NUBPL: variants seen among roughly 807,000 people sequenced by gnomAD.
The protein encoded by NUBPL is iron-sulfur cluster transfer protein NUBPL.
A neutral mutation model predicts 45.7 loss-of-function variants in NUBPL; 31 were observed. That is an observed-to-expected ratio of 0.68 (90% confidence interval 0.51 to 0.92). The LOEUF (loss-of-function observed/expected upper bound fraction) is 0.92. Ranked by LOEUF, NUBPL falls within the 40% of genes least tolerant of loss-of-function variation. The probability of loss-of-function intolerance (pLI) is 0.00; values close to 1 mark genes in which losing one functional copy is unlikely to be tolerated. For missense variants in NUBPL, 401 were observed against 398.7 expected (o/e 1.01, Z -0.05); for synonymous variants, 144 against 140.9 (o/e 1.02, Z -0.15).
chr14:31,758,215 A>T (rs897752310), intron 6 of NUBPL, among the ~76,000 whole-genome samples: 15 of 152,282 alleles, frequency 9.9e-5, no homozygotes, highest in African/African-American at 3.4e-4. Flanking sequence ...AGTACTTCAA[A>T]CAAGTACTTG....
At chr14:31,590,703 C>T (rs1445542551) in intron 3 of NUBPL, among the ~76,000 whole-genome samples, 1 of 152,168 alleles carries the variant, frequency 6.6e-6, no homozygotes, top group African/African-American at 2.4e-5. Context: ...GGTCCCCAGG[C>T]TTTGATTCTG....
At chr14:31,745,702 C>T (rs1009305164) in intron 6 of NUBPL, among the ~76,000 whole-genome samples, 10 of 151,776 alleles carry the variant, frequency 6.6e-5, no homozygotes, top group Admixed American at 4.6e-4. Flanking sequence ...GTGGGGTGCA[C>T]GGTAACATAT....
At chr14:31,575,328 A>G (rs2033690841) in intron 3 of NUBPL, among the ~76,000 whole-genome samples, 1 of 152,242 alleles carries the variant, frequency 6.6e-6, no homozygotes. Flanking sequence ...ATAAATATGT[A>G]TATAGTATCT....
chr14:31,786,741 G>A (rs1203250783), intron 6 of NUBPL, among the ~76,000 whole-genome samples: 4 of 152,300 alleles, frequency 2.6e-5, no homozygotes, highest in South Asian at 2.1e-4. Flanking sequence ...TTTCCCCAAA[G>A]AAATGAATTT....
At chr14:31,728,272 G>A (rs1226821287) in intron 6 of NUBPL, among the ~76,000 whole-genome samples, 5 of 151,724 alleles carry the variant, frequency 3.3e-5, no homozygotes, top group African/African-American at 1.2e-4. Context: ...CCACTCAAAT[G>A]TACTTATTTA....
At chr14:31,585,222 C>T (rs1425188770) in intron 3 of NUBPL, among the ~76,000 whole-genome samples, 1 of 151,740 alleles carries the variant, frequency 6.6e-6, no homozygotes, top group Non-Finnish European at 1.5e-5. Flanking sequence ...CTAACACTAG[C>T]GATAGTTGAT....
chr14:31,669,380 G>C (rs143802226), intron 4 of NUBPL, among the ~76,000 whole-genome samples: 2 of 151,534 alleles, frequency 1.3e-5, no homozygotes, highest in East Asian at 1.9e-4. Context: ...TTGAATTTCT[G>C]TGTCTGGTTT....
intron 7 of NUBPL, among the ~76,000 whole-genome samples, chr14:31,822,950 A>G (rs148087299): frequency 8.6e-4 from 131 of 152,242 alleles, no homozygotes; most frequent in African/African-American, 3.0e-3. Context: ...ATCCCTCTCT[A>G]GTATCTTATA....
At chr14:31,689,163 T>G (rs1261843658) in intron 6 of NUBPL, among the ~76,000 whole-genome samples, 2 of 152,238 alleles carry the variant, frequency 1.3e-5, no homozygotes, top group Admixed American at 1.3e-4. Flanking sequence ...GAATGATTTA[T>G]ATTCTTTAGG....
chr14:31,644,823 G>T (rs756040617), intron 4 of NUBPL, among the ~76,000 whole-genome samples: 2 of 151,938 alleles, frequency 1.3e-5, no homozygotes, highest in Admixed American at 6.6e-5. Flanking sequence ...ATATGCTTGG[G>T]TACTGGGTAT....
intron 1 of NUBPL, 78 bp from the exon 2 acceptor site, chr14:31,561,990 A>G (rs1162410621): frequency 2.1e-6 from 3 of 1,440,840 alleles, no homozygotes; most frequent in East Asian, 2.5e-5. Flanking sequence ...TGCAAACCCC[A>G]GATTGTTTTT....
chr14:31,847,759 A>C (rs1247869296), intron 9 of NUBPL, among the ~76,000 whole-genome samples: 1 of 152,208 alleles, frequency 6.6e-6, no homozygotes, highest in African/African-American at 2.4e-5. Flanking sequence ...GTTGATGTTA[A>C]ATATATTATT....
At chr14:31,718,340 GAT>G (rs1263191003) in intron 6 of NUBPL, among the ~76,000 whole-genome samples, 24 of 152,110 alleles carry the variant, frequency 1.6e-4, no homozygotes, top group Admixed American at 1.6e-3. Flanking sequence ...TAATAGCAAA[GAT>G]AGAAATAAAA....
chr14:31,708,992 C>T (rs530275463), intron 6 of NUBPL, among the ~76,000 whole-genome samples: 1 of 152,316 alleles, frequency 6.6e-6, no homozygotes, highest in East Asian at 1.9e-4. Context: ...CCTCTCTGAA[C>T]CACCAAGGTT....
intron 4 of NUBPL, among the ~76,000 whole-genome samples, chr14:31,660,056 T>G (rs987646530): frequency 1.3e-5 from 2 of 152,154 alleles, no homozygotes; most frequent in African/African-American, 4.8e-5. Context: ...AGCCATAACA[T>G]TACAAAAACA....
chr14:31,706,011 T>C (rs2037442464), intron 6 of NUBPL, among the ~76,000 whole-genome samples: 1 of 152,118 alleles, frequency 6.6e-6, no homozygotes, highest in South Asian at 2.1e-4. Context: ...GGGAGTCAGC[T>C]CTGGTCTTGG....
intron 6 of NUBPL, among the ~76,000 whole-genome samples, chr14:31,734,627 A>G (rs1468392843): frequency 1.3e-5 from 2 of 152,138 alleles, no homozygotes; most frequent in African/African-American, 4.8e-5. Flanking sequence ...TACTTTCTCA[A>G]GGTTTATTAT....
intron 3 of NUBPL, among the ~76,000 whole-genome samples, chr14:31,597,527 T>A (rs1210554713): frequency 6.6e-6 from 1 of 152,176 alleles, no homozygotes; most frequent in Non-Finnish European, 1.5e-5. Context: ...CTAGCAATCT[T>A]ATATTAGTTA....
At position 31,599,808 on chromosome 14, in the gene NUBPL, A is replaced by G. The variant is rs543359122; in HGVS notation, c.382+429A>G. Among the ~76,000 whole-genome samples the G allele has an allele frequency of 2.6e-5, 4 of 152,312 alleles. No homozygotes were observed. In the South Asian group the frequency reaches 8.3e-4, roughly 32 times the overall value. On this transcript the variant is annotated intron_variant, in intron 4 of 10. Coordinates refer to ENST00000281081, the MANE Select transcript of NUBPL (RefSeq NM_025152.3). Reference sequence around the variant, plus strand: ...TTGCAAAGTGAAAATTGTAAGGAGCATCTCTTACCATCATGCAATTCAAGA... The same window carrying G: ...TTGCAAAGTGAAAATTGTAAGGAGCGTCTCTTACCATCATGCAATTCAAGA...
Sources: allele counts gnomAD v4.1 joint callset (sites outside exome capture counted in the v4.1 genomes callset), GRCh38; gene constraint gnomAD v4.1.1; transcripts MANE v1.5; gene names NCBI Gene and HGNC (gene_info 2026-07-23, HGNC 2026-07-21).